The following VIPR2 variants were observed in gnomAD, a reference collection of about 807,000 sequenced individuals.
VIPR2 encodes vasoactive intestinal polypeptide receptor 2.
In VIPR2, 48 loss-of-function variants were observed where a neutral mutation model predicts 58.0. The ratio of observed to expected loss-of-function variants is 0.83; its 90% CI spans 0.66 to 1.05. VIPR2 has a LOEUF of 1.05. VIPR2 is among the 50% of genes least tolerant of loss of function. The probability of loss-of-function intolerance (pLI) is 0.00; values close to 1 mark genes in which losing one functional copy is unlikely to be tolerated. For missense variants in VIPR2, 534 were observed against 558.0 expected (o/e 0.96, Z 0.43); for synonymous variants, 243 against 235.2 (o/e 1.03, Z -0.30).
intron 4 of VIPR2, among the ~76,000 whole-genome samples, chr7:159,092,650 C>CTTT (rs60400731): frequency 7.5e-6 from 1 of 133,710 alleles, no homozygotes; most frequent in African/African-American, 2.8e-5. Flanking sequence ...CTTTTCTTTT[C>CTTT]TTTTTTTTTT....
chr7:159,036,724 G>A, intron 7 of VIPR2, 28 bp downstream of exon 7: 4 of 1,601,694 alleles, frequency 2.5e-6, no homozygotes, highest in Non-Finnish European at 3.4e-6. Flanking sequence ...GGGATGGAGG[G>A]TTTGTGGGTG....
At chr7:159,139,473 A>G (rs1797371727) in intron 2 of VIPR2, among the ~76,000 whole-genome samples, 1 of 152,238 alleles carries the variant, frequency 6.6e-6, no homozygotes. Context: ...CTTCTGCAGC[A>G]TCTGCAAAAC....
chr7:159,092,635 G>C (rs1221691167), intron 4 of VIPR2, among the ~76,000 whole-genome samples: 1 of 146,310 alleles, frequency 6.8e-6, no homozygotes, highest in Non-Finnish European at 1.5e-5. Flanking sequence ...GCAGGAGGCT[G>C]TTTTCTTTTC....
intron 2 of VIPR2, among the ~76,000 whole-genome samples, chr7:159,124,953 T>C (rs1351901876): frequency 6.6e-6 from 1 of 152,190 alleles, no homozygotes; most frequent in Non-Finnish European, 1.5e-5. Flanking sequence ...TGTTGGTATA[T>C]AGAAATGCTA....
intron 2 of VIPR2, among the ~76,000 whole-genome samples, chr7:159,141,242 T>C (rs545185320): frequency 1.3e-5 from 2 of 152,332 alleles, no homozygotes; most frequent in Admixed American, 1.3e-4. Flanking sequence ...TTCAGCCAAG[T>C]TACTTTATTT....
At chr7:159,064,418 A>C (rs1294315561) in intron 4 of VIPR2, among the ~76,000 whole-genome samples, 1 of 152,012 alleles carries the variant, frequency 6.6e-6, no homozygotes, top group Admixed American at 6.5e-5. Flanking sequence ...ACGGAGTGGA[A>C]TTGGCGGCTC....
chr7:159,057,151 A>G (rs1176596951), intron 5 of VIPR2, among the ~76,000 whole-genome samples: 3 of 152,142 alleles, frequency 2.0e-5, no homozygotes, highest in African/African-American at 7.2e-5. Context: ...AATAAGATAA[A>G]ATTTTCAGAT....
intron 4 of VIPR2, among the ~76,000 whole-genome samples, chr7:159,082,439 G>A (rs1856954894): frequency 6.6e-6 from 1 of 152,216 alleles, no homozygotes; most frequent in South Asian, 2.1e-4. Flanking sequence ...CACAGGAAGG[G>A]GAACATCACA....
At chr7:159,053,383 A>G (rs1855119684) in intron 5 of VIPR2, among the ~76,000 whole-genome samples, 1 of 152,272 alleles carries the variant, frequency 6.6e-6, no homozygotes, top group Middle Eastern at 3.2e-3. Flanking sequence ...TTCCACTCGG[A>G]AAATCATAAA....
rs185060689 is a variant in VIPR2, at chr7:159,084,449, G to A, written c.357+19308C>T. Among the ~76,000 whole-genome samples, 934 of 152,002 alleles carry A rather than the reference G, an allele frequency of 6.1e-3. 5 individuals are homozygous for A. Among genetic ancestry groups the A allele is most frequent in the African/African-American group, 0.022 (893 of 41,454 alleles). ...GGCCCCTGGCGCAGCATTTCATGCC[G>A]AGTGACAGCACCCTCCCTTGGCCTC... On this transcript the variant is annotated intron_variant, in intron 4 of 12. Coordinates refer to ENST00000262178, the MANE Select transcript of VIPR2 (RefSeq NM_003382.5).
At chr7:159,116,718 G>A (rs1329639129) in intron 2 of VIPR2, among the ~76,000 whole-genome samples, 2 of 115,152 alleles carry the variant, frequency 1.7e-5, no homozygotes, top group African/African-American at 2.8e-5. Context: ...AGTTCTTACC[G>A]GTATGCTGGG....
intron 9 of VIPR2, 132 bp from the exon 10 acceptor site, chr7:159,034,436 C>CCGA (rs1853792219): frequency 7.9e-7 from 1 of 1,262,438 alleles, no homozygotes; most frequent in African/African-American, 1.5e-5. Flanking sequence ...CTCTGGGGGT[C>CCGA]CACATGCCTG....
chr7:159,084,957 A>AAG (rs1390050963), intron 4 of VIPR2, among the ~76,000 whole-genome samples: 1 of 152,236 alleles, frequency 6.6e-6, no homozygotes, highest in Admixed American at 6.5e-5. Flanking sequence ...TGGCCCATGG[A>AAG]AGCTTCTTCT....
intron 2 of VIPR2, among the ~76,000 whole-genome samples, chr7:159,116,269 A>G (rs978330932): frequency 6.6e-6 from 1 of 152,184 alleles, no homozygotes; most frequent in African/African-American, 2.4e-5. Flanking sequence ...CTAATTTTGA[A>G]GCCAAGTTTC....
At chr7:159,102,831 C>T (rs945414451) in intron 4 of VIPR2, among the ~76,000 whole-genome samples, 2 of 152,072 alleles carry the variant, frequency 1.3e-5, no homozygotes, top group African/African-American at 4.8e-5. Flanking sequence ...GCGATACTTC[C>T]CAGGGCTCCT....
At chr7:159,055,275 GA>G (rs1424940326) in intron 5 of VIPR2, among the ~76,000 whole-genome samples, 1 of 152,192 alleles carries the variant, frequency 6.6e-6, no homozygotes, top group East Asian at 1.9e-4. Context: ...TCTGGTGCCA[GA>G]ACTCTGAATA....
rs555493571 is a variant in VIPR2 at position 159,099,484 on chromosome 7, G to A, written c.357+4273C>T. The stretch of plus-strand genomic sequence containing the variant: ...GGCTGACATTGCCACAGCAGGCGGC[G>A]GCTGTCACTGCCTCCCAGATCCACA... On this transcript the variant is annotated intron_variant, in intron 4 of 12. Coordinates refer to ENST00000262178, the MANE Select transcript of VIPR2 (RefSeq NM_003382.5). The surrounding 1 kb of genome is among the most constrained non-coding windows in gnomAD (Gnocchi z 4.2). Among the ~76,000 whole-genome samples the A allele has an allele frequency of 4.6e-5, 7 of 152,306 alleles. No individual in the cohort carries two copies. The highest frequency in any genetic ancestry group is 1.0e-4 in the Non-Finnish European group (7 of 68,024).
At chr7:159,036,328 G>T (rs1853953778) in intron 7 of VIPR2, among the ~76,000 whole-genome samples, 1 of 152,132 alleles carries the variant, frequency 6.6e-6, no homozygotes, top group Non-Finnish European at 1.5e-5. Flanking sequence ...CACCCACGGA[G>T]CTATCGGCTA....
chr7:159,079,551 A>G (rs970388008), intron 4 of VIPR2, among the ~76,000 whole-genome samples: 2 of 152,230 alleles, frequency 1.3e-5, no homozygotes, highest in Non-Finnish European at 2.9e-5. Context: ...TAACATCACA[A>G]AAGAACTAGA....
Sources: gnomAD v4.1 joint callset for allele counts (sites outside exome capture counted in the v4.1 genomes callset) on GRCh38, gnomAD v4.1.1 for gene constraint, Gnocchi (gnomAD v3.1) non-coding constraint, MANE v1.5 for transcripts, NCBI Gene and HGNC (gene_info 2026-07-23, HGNC 2026-07-21) for gene names.